Variants in VBP1 observed in about 807,000 individuals in gnomAD.
VBP1 encodes the protein VHL binding protein 1, also known as prefoldin subunit 3.
A neutral mutation model predicts 15.5 loss-of-function variants in VBP1; 4 were observed. That is an observed-to-expected ratio of 0.26 (90% CI 0.13 to 0.59). The LOEUF (loss-of-function observed/expected upper bound fraction) is 0.59, where lower values mean the gene tolerates loss of function less well. Ranked by LOEUF, VBP1 falls within the 20% of genes least tolerant of loss-of-function variation. VBP1 has a pLI of 0.90. For missense variants in VBP1, 108 were observed against 139.6 expected (o/e 0.77, Z 1.14); for synonymous variants, 61 against 52.1 (o/e 1.17, Z -0.74).
rs149875132 is a variant in VBP1, at chrX:155,234,894, C to T, written c.385-1335C>T. The stretch of plus-strand genomic sequence containing the variant: ...GTTTTGCTGGATATAATATCTTAAA[C>T]TCACATTTTATTTCCTTGAGCATCT... On this transcript the variant is annotated intron_variant, in intron 4 of 5. Transcript: ENST00000286428. Among the ~76,000 whole-genome samples the T allele has an allele frequency of 1.8e-4, 20 of 112,089 alleles. No individual in the cohort carries two copies. The East Asian group carries it at 5.6e-3, about 31-fold the overall frequency.
At chrX:155,203,278 A>G (rs1221540910) in intron 1 of VBP1, among the ~76,000 whole-genome samples, 1 of 111,468 alleles carries the variant, frequency 9.0e-6, no homozygotes, top group Non-Finnish European at 1.9e-5. Flanking sequence ...CCAAAGGACT[A>G]TAAGTCATGC....
Position 155,238,516 on chromosome X carries a change from G to A in VBP1, c.524-256G>A, listed in dbSNP as rs187213955. Among the ~76,000 whole-genome samples, 663 of 112,217 alleles carry A rather than the reference G, an allele frequency of 5.9e-3. 2 individuals carry two copies. Among genetic ancestry groups the A allele is most frequent in the African/African-American group, 0.02 (615 of 30,880 alleles). On this transcript the variant is annotated intron_variant, in intron 5 of 5. Transcript: ENST00000286428. Reference sequence around the variant, plus strand: ...TTGTTAAATATATCATAGTTGACTAGCTGACAGTTGACTAATACCATAGTA... The same window carrying A: ...TTGTTAAATATATCATAGTTGACTAACTGACAGTTGACTAATACCATAGTA...
intron 1 of VBP1, among the ~76,000 whole-genome samples, chrX:155,219,086 G>A (rs1261779024): frequency 2.7e-5 from 3 of 111,982 alleles, no homozygotes; most frequent in Admixed American, 9.4e-5. Context: ...TGTCTAGTTT[G>A]ATGGCTTCTT....
At chrX:155,207,244 C>T (rs1443652344) in intron 1 of VBP1, among the ~76,000 whole-genome samples, 2 of 111,528 alleles carry the variant, frequency 1.8e-5, no homozygotes, top group Non-Finnish European at 3.8e-5. Flanking sequence ...TGACAGGAAT[C>T]GGGTAAAAAG....
At chrX:155,197,721 C>T (rs974926569) in intron 1 of VBP1, among the ~76,000 whole-genome samples, 4 of 111,897 alleles carry the variant, frequency 3.6e-5, no homozygotes, top group African/African-American at 9.7e-5. Context: ...TCTGAGGTAC[C>T]GGGTTCATCT....
chrX:155,216,272 C>G, upstream of VBP1: 1 of 816,561 alleles, frequency 1.2e-6, no homozygotes, highest in African/African-American at 2.1e-5. Context: ...GCGGCCCTTC[C>G]ACGCTTGTCA....
chrX:155,199,321 T>A (rs1408560477), intron 1 of VBP1, among the ~76,000 whole-genome samples: 1 of 109,657 alleles, frequency 9.1e-6, no homozygotes, highest in Non-Finnish European at 1.9e-5. Flanking sequence ...TTCACCAAAG[T>A]TGAAATGAAG....
At chrX:155,238,487 A>G (rs1474646880) in intron 5 of VBP1, among the ~76,000 whole-genome samples, 2 of 112,414 alleles carry the variant, frequency 1.8e-5, no homozygotes, top group African/African-American at 6.5e-5. Context: ...TGTCTAGTAC[A>G]TATTTGTTAA....
intron 1 of VBP1, among the ~76,000 whole-genome samples, chrX:155,198,425 T>G (rs1557306951): frequency 9.0e-6 from 1 of 111,608 alleles, no homozygotes; most frequent in African/African-American, 3.2e-5. Context: ...TCCAGAGGAA[T>G]GTCAGACAGC....
chrX:155,204,160 AT>A (rs1408848866), intron 1 of VBP1, among the ~76,000 whole-genome samples: 3 of 107,377 alleles, frequency 2.8e-5, no homozygotes, highest in South Asian at 4.0e-4. Flanking sequence ...TTTTGAAAAC[AT>A]TTTTTTTTTG....
chrX:155,202,892 G>GA (rs1459208183), intron 1 of VBP1, among the ~76,000 whole-genome samples: 5 of 111,301 alleles, frequency 4.5e-5, no homozygotes, highest in Non-Finnish European at 5.7e-5. Flanking sequence ...AATCTACAAT[G>GA]AACTCAAACA....
chrX:155,216,689 AG>A, intron 1 of VBP1, 114 bp downstream of exon 1: 5 of 1,037,774 alleles, frequency 4.8e-6, no homozygotes, highest in African/African-American at 1.9e-5. Context: ...GTGTTCAGGG[AG>A]GGGGCGCTCG....
At chrX:155,234,109 G>GTTTTTTT (rs35367656) in intron 4 of VBP1, among the ~76,000 whole-genome samples, 1 of 28,678 alleles carries the variant, frequency 3.5e-5, no homozygotes, top group African/African-American at 1.4e-4. Flanking sequence ...TTGTTCCTCT[G>GTTTTTTT]TTTTTTTTTT....
intron 1 of VBP1, among the ~76,000 whole-genome samples, chrX:155,198,531 G>T (rs1602861387): frequency 9.0e-6 from 1 of 111,724 alleles, no homozygotes; most frequent in Non-Finnish European, 1.9e-5. Context: ...AACTCCAACA[G>T]ACCTGCAGCT....
Position 155,238,813 on chromosome X carries a change from A to G in VBP1, c.565A>G (p.Lys189Glu), listed in dbSNP as rs377289994. Residue 189 changes from lysine (K) to glutamate (E), a missense_variant, in exon 6 of 6, where the codon AAG becomes GAG. By Grantham distance (56) the Lys-to-Glu change is moderately conservative. Coordinates refer to ENST00000286428, the MANE Select transcript of VBP1 (RefSeq NM_003372.7). ...TAATTGGGATGTAAAAAGAAGAAACAAGGATGACTCTACCAAGAACAAAGC... is the reference window on the plus strand; with the variant it reads ...TAATTGGGATGTAAAAAGAAGAAACGAGGATGACTCTACCAAGAACAAAGC... ...VYNWDVKRRNKDDSTKNKA is the reference protein window; with the variant it reads ...VYNWDVKRRNEDDSTKNKA 5.8e-6 allele frequency: 7 copies of G among 1,206,786 alleles called. No homozygotes were observed. Among genetic ancestry groups the G allele is most frequent in the Non-Finnish European group, 7.8e-6 (7 of 893,616 alleles).
At chrX:155,216,352 TG>T (rs2074662818), upstream of VBP1, 5 of 1,107,752 alleles carry the variant, frequency 4.5e-6, no homozygotes, top group South Asian at 6.6e-5. Context: ...CGGGGACTTG[TG>T]GGGGACGCTC....
intron 1 of VBP1, among the ~76,000 whole-genome samples, chrX:155,203,064 C>T (rs1490218368): frequency 1.8e-5 from 2 of 111,988 alleles, no homozygotes; most frequent in African/African-American, 3.3e-5. Context: ...AATGAGATAC[C>T]GTCTCACACC....
At chrX:155,201,192 C>T (rs1235615864) in intron 1 of VBP1, among the ~76,000 whole-genome samples, 2 of 110,439 alleles carry the variant, frequency 1.8e-5, no homozygotes, top group Non-Finnish European at 3.8e-5. Flanking sequence ...CAAGGAGGAA[C>T]TGGTACCATT....
intron 2 of VBP1, among the ~76,000 whole-genome samples, chrX:155,211,443 AG>A (rs781978415): frequency 8.9e-6 from 1 of 112,261 alleles, no homozygotes; most frequent in African/African-American, 3.2e-5. Flanking sequence ...GCTCAGTGTG[AG>A]GCCCAGAGAA....
Sources: gnomAD v4.1 joint callset for allele counts (sites outside exome capture counted in the v4.1 genomes callset) on GRCh38, gnomAD v4.1.1 for gene constraint, MANE v1.5 for transcripts, NCBI Gene and HGNC (gene_info 2026-07-23, HGNC 2026-07-21) for gene names.